Variants in ENPP1 observed in about 807,000 individuals in gnomAD.
The protein encoded by ENPP1 is ectonucleotide pyrophosphatase/phosphodiesterase 1, also known as ectonucleotide pyrophosphatase/phosphodiesterase family member 1.
ENPP1 carries 73 observed loss-of-function variants against 122.8 expected under a neutral mutation model. The observed-to-expected ratio is 0.59, with a 90% confidence interval of 0.49 to 0.72. The LOEUF (loss-of-function observed/expected upper bound fraction) is 0.72. Among genes scored for constraint, ENPP1 ranks in the 30% least tolerant of loss-of-function variants. The pLI is 0.00. For missense variants in ENPP1, 978 were observed against 1,128.1 expected (o/e 0.87, Z 1.91); for synonymous variants, 367 against 391.6 (o/e 0.94, Z 0.74).
rs2114740392 is a variant in ENPP1 at position 131,893,372 on chromosome 6, C to T, written c.*2861C>T. 6.6e-6 allele frequency: 1 copy of T among 152,342 alleles called. No individual in the cohort carries two copies. Among genetic ancestry groups the T allele is most frequent in the South Asian group, 2.1e-4 (1 of 4,812 alleles). 9.4% of individuals were successfully genotyped at this position (152,342 alleles called of 1,614,324 possible). A position where few individuals can be genotyped will look rare whatever the true frequency, so the allele number is the denominator to read the frequency against. Reference sequence around the variant, plus strand: ...ATGAAGCCACAGGAGGGGTGCCAGGCTGCACAAAAGAGACACTGGATGCTT... The same window carrying T: ...ATGAAGCCACAGGAGGGGTGCCAGGTTGCACAAAAGAGACACTGGATGCTT... On this transcript the variant is annotated 3_prime_UTR_variant, in exon 25 of 25. Transcript: ENST00000647893.
chr6:131,848,073 T>C (rs1253223995), intron 2 of ENPP1, among the ~76,000 whole-genome samples: 2 of 152,202 alleles, frequency 1.3e-5, no homozygotes, highest in Non-Finnish European at 2.9e-5. Flanking sequence ...TCTGATGCTG[T>C]TGTCCTGGAG....
intron 1 of ENPP1, among the ~76,000 whole-genome samples, chr6:131,841,927 C>G (rs1781745707): frequency 6.6e-6 from 1 of 152,132 alleles, no homozygotes; most frequent in Non-Finnish European, 1.5e-5. Context: ...ATTATTAAAT[C>G]CAGTCCTGTC....
At chr6:131,884,050 T>C (rs147862864) in intron 22 of ENPP1, among the ~76,000 whole-genome samples, 5 of 152,354 alleles carry the variant, frequency 3.3e-5, no homozygotes, top group Admixed American at 1.3e-4. Context: ...CTAACACTTA[T>C]ATTAACTTTC....
chr6:131,887,707 C>T (rs181358058), intron 24 of ENPP1, among the ~76,000 whole-genome samples: 8,808 of 138,284 alleles, frequency 0.064, 791 homozygotes, highest in African/African-American at 0.19. Context: ...TACAGGCGCC[C>T]GCCACCACAC....
intron 1 of ENPP1, among the ~76,000 whole-genome samples, chr6:131,839,765 T>C (rs1781718234): frequency 6.6e-6 from 1 of 152,192 alleles, no homozygotes; most frequent in African/African-American, 2.4e-5. Context: ...TGTGTCATTT[T>C]TCCATGTCAA....
At chr6:131,826,059 C>T (rs1257764451) in intron 1 of ENPP1, 3 of 768,864 alleles carry the variant, frequency 3.9e-6, no homozygotes, top group Non-Finnish European at 7.3e-6. Flanking sequence ...CTTCAACAAT[C>T]AGACAGCTCT....
At chr6:131,844,835 A>G (rs1781785351) in intron 1 of ENPP1, among the ~76,000 whole-genome samples, 1 of 152,178 alleles carries the variant, frequency 6.6e-6, no homozygotes, top group African/African-American at 2.4e-5. Context: ...TCTTGGAGAC[A>G]TTTCATAATG....
chr6:131,864,786 T>C, intron 10 of ENPP1, 80 bp from the exon 11 acceptor site: 1 of 967,960 alleles, frequency 1.0e-6, no homozygotes, highest in Non-Finnish European at 1.7e-6. Flanking sequence ...ATTTAATCCC[T>C]ATCAATTGAT....
chr6:131,887,655 C>T (rs13199157), intron 24 of ENPP1, among the ~76,000 whole-genome samples: 55,656 of 132,910 alleles, frequency 0.42, 14,922 homozygotes, highest in African/African-American at 0.77. Flanking sequence ...GCCTTCTGGG[C>T]TCACGCCATT....
chr6:131,811,031 T>G (rs80269125), intron 1 of ENPP1, among the ~76,000 whole-genome samples: 2,291 of 152,276 alleles, frequency 0.015, 67 homozygotes, highest in African/African-American at 0.053. Flanking sequence ...AGTAGGTATG[T>G]TAAATATTAG....
chr6:131,826,987 G>A (rs1013332524), intron 1 of ENPP1: 9 of 461,058 alleles, frequency 2.0e-5, no homozygotes, highest in Admixed American at 3.1e-5. Flanking sequence ...GCCAGTGCAG[G>A]ATGGTCTACT....
At chr6:131,873,853 C>T (rs573854219) in intron 15 of ENPP1, among the ~76,000 whole-genome samples, 5 of 151,984 alleles carry the variant, frequency 3.3e-5, no homozygotes, top group Non-Finnish European at 4.4e-5. Context: ...ATGGTCCTAT[C>T]TTCATGAGAG....
intron 9 of ENPP1, among the ~76,000 whole-genome samples, 196 bp from the exon 10 acceptor site, chr6:131,864,310 A>G (rs572000982): frequency 8.5e-5 from 13 of 152,344 alleles, no homozygotes; most frequent in African/African-American, 2.4e-4. Context: ...TCCAATTGCA[A>G]TTTTTATCTG....
chr6:131,824,912 T>A (rs1781527196), intron 1 of ENPP1, among the ~76,000 whole-genome samples: 1 of 151,924 alleles, frequency 6.6e-6, no homozygotes, highest in African/African-American at 2.4e-5. Flanking sequence ...ATACAAAAAT[T>A]AGCCTGTTGT....
chr6:131,860,327 G>T, intron 7 of ENPP1, 60 bp from the exon 8 acceptor site: 1 of 1,250,956 alleles, frequency 8.0e-7, no homozygotes, highest in Non-Finnish European at 1.2e-6. Flanking sequence ...ATTTTTTTCT[G>T]TGAATGTATT....
At position 131,851,213 on chromosome 6, in the gene ENPP1, G is replaced by C. The variant is rs751033384; in HGVS notation, c.502G>C (p.Asp168His). 66 of 1,613,986 alleles carry C rather than the reference G, an allele frequency of 4.1e-5. No homozygotes were observed. In the Admixed American group the frequency reaches 1.0e-3, roughly 25 times the overall value. Residue 168 changes from aspartate (D) to histidine (H), a missense_variant, in exon 4 of 25, where the codon GAT becomes CAT. Physicochemically the swap from Asp to His is moderately conservative, Grantham distance 81. Around this residue, in one of 3 missense-constraint regions of ENPP1, gnomAD observed 330 missense variants for 328.5 expected, o/e 1.00. Coordinates refer to ENST00000647893, the MANE Select transcript of ENPP1 (RefSeq NM_006208.3). ...RLTRSLCACS[D>H]DCKDKGDCCI... Reference sequence around the variant, plus strand: ...GACCAGAAGCCTCTGTGCCTGTTCAGATGACTGCAAGGACAAGGGCGACTG... The same window carrying C: ...GACCAGAAGCCTCTGTGCCTGTTCACATGACTGCAAGGACAAGGGCGACTG...
intron 1 of ENPP1, among the ~76,000 whole-genome samples, chr6:131,843,720 T>C (rs1781770235): frequency 6.6e-6 from 1 of 151,964 alleles, no homozygotes; most frequent in South Asian, 2.1e-4. Flanking sequence ...CCATTCAAGT[T>C]TGTTATATTC....
Position 131,808,224 on chromosome 6 carries a change from G to T in ENPP1, c.189G>T (p.Ala63=). The part of the protein sequence containing the change: ...MDVGEEPLEK[A]ARARTAKDPN... Reference sequence around the variant, plus strand: ...TGGGGGAGGAGCCGCTGGAGAAGGCGGCGCGCGCCCGCACTGCCAAGGACC... The same window carrying T: ...TGGGGGAGGAGCCGCTGGAGAAGGCTGCGCGCGCCCGCACTGCCAAGGACC... The change falls in exon 1 of 25, where the codon GCG becomes GCT. Residue 63 remains alanine (A), a synonymous_variant. Coordinates refer to ENST00000647893, the MANE Select transcript of ENPP1 (RefSeq NM_006208.3). 2.6e-6 allele frequency: 4 copies of T among 1,513,962 alleles called. No homozygotes were observed. Among genetic ancestry groups the T allele is most frequent in the Non-Finnish European group, 3.5e-6 (4 of 1,131,030 alleles). The allele number at this position is 1,513,962 out of a possible 1,614,324, so 93.8% of individuals were successfully genotyped here. A position where few individuals can be genotyped will look rare whatever the true frequency, so the allele number is the denominator to read the frequency against.
In ENPP1 at chr6:131,891,041, T is replaced by C. The variant is rs1782463073; in HGVS notation, c.*530T>C. ...GCCAAAATACTTCTGAGACCTTGTT[T>C]CAATCTTTGCTGTATATCCCCTCAA... On this transcript the variant is annotated 3_prime_UTR_variant, in exon 25 of 25. Coordinates refer to ENST00000647893, the MANE Select transcript of ENPP1 (RefSeq NM_006208.3). 1 of 154,714 alleles carries C rather than the reference T, an allele frequency of 6.5e-6. No homozygotes were observed. 9.6% of individuals were successfully genotyped at this position (154,714 alleles called of 1,614,324 possible). A position where few individuals can be genotyped will look rare whatever the true frequency, so the allele number is the denominator to read the frequency against.
Sources: allele counts gnomAD v4.1 joint callset (sites outside exome capture counted in the v4.1 genomes callset), GRCh38; gene constraint gnomAD v4.1.1; regional missense constraint gnomAD v4.1.1; transcripts MANE v1.5; gene names NCBI Gene and HGNC (gene_info 2026-07-23, HGNC 2026-07-21).